The following LINGO1 variants were observed in gnomAD, a reference collection of about 807,000 sequenced individuals.
The protein encoded by LINGO1 is leucine rich repeat and Ig domain containing 1, also known as leucine-rich repeat and immunoglobulin-like domain-containing nogo receptor-interacting protein 1.
A neutral mutation model predicts 37.3 loss-of-function variants in LINGO1; 11 were observed. That is an observed-to-expected ratio of 0.29 (90% CI 0.19 to 0.49). The LOEUF is 0.49. Ranked by LOEUF, LINGO1 falls within the 20% of genes least tolerant of loss-of-function variation. The probability of loss-of-function intolerance (pLI) is 0.99; values close to 1 mark genes in which losing one functional copy is unlikely to be tolerated. For missense variants in LINGO1, 585 were observed against 878.2 expected, an observed-to-expected ratio of 0.67 and a Z score of 4.22; for synonymous variants, 387 against 403.0, an observed-to-expected ratio of 0.96 and a Z score of 0.48.
rs11854889 is a variant in LINGO1 at position 77,749,177 on chromosome 15, G to A, written c.-256-14124C>T. Among the ~76,000 whole-genome samples, 136 of 152,100 alleles carry A rather than the reference G, an allele frequency of 8.9e-4. 1 individual carries two copies. Among genetic ancestry groups the A allele is most frequent in the African/African-American group, 3.2e-3 (134 of 41,484 alleles). On this transcript the variant is annotated intron_variant, in intron 1 of 3. Transcript: ENST00000561686. ...CCTGCCTCGGCCTCCCAAAGTGCTG[G>A]GATTACAGGGGTGAGCCACTGCGCC...
chr15:77,749,901 A>G (rs2076353789), intron 1 of LINGO1, among the ~76,000 whole-genome samples: 1 of 151,598 alleles, frequency 6.6e-6, no homozygotes, highest in Admixed American at 6.6e-5. Context: ...ACAAGCTGCC[A>G]TGGGGCAGGC....
chr15:77,795,097 C>A (rs1392733116), intron 2 of LINGO1, among the ~76,000 whole-genome samples: 1 of 152,180 alleles, frequency 6.6e-6, no homozygotes, highest in Non-Finnish European at 1.5e-5. Context: ...CCCCACCGTT[C>A]CCTCTGTTTA....
intron 3 of LINGO1, among the ~76,000 whole-genome samples, chr15:77,649,544 G>A (rs2074711943): frequency 6.6e-6 from 1 of 152,184 alleles, no homozygotes; most frequent in Non-Finnish European, 1.5e-5. Flanking sequence ...GGTACCACAC[G>A]GAAAGAAGAG....
At chr15:77,796,608 C>G (rs893482136) in intron 1 of LINGO1, among the ~76,000 whole-genome samples, 6 of 152,240 alleles carry the variant, frequency 3.9e-5, no homozygotes, top group Non-Finnish European at 7.3e-5. Flanking sequence ...CCAGGCTGAC[C>G]CCGAGAGGGG....
intron 3 of LINGO1, among the ~76,000 whole-genome samples, chr15:77,664,170 T>TGTGTGCGCGCGCGCGTGCGC: frequency 3.1e-5 from 4 of 130,946 alleles, no homozygotes; most frequent in Non-Finnish European, 6.2e-5. Flanking sequence ...TGTGTGTGTG[T>TGTGTGCGCGCGCGCGTGCGC]GCGCGCGCGC....
chr15:77,672,073 T>A (rs1452200254), intron 3 of LINGO1, among the ~76,000 whole-genome samples: 1 of 150,100 alleles, frequency 6.7e-6, no homozygotes, highest in Non-Finnish European at 1.5e-5. Context: ...ACAGCAGGTG[T>A]CTAATAGATG....
intron 3 of LINGO1, among the ~76,000 whole-genome samples, chr15:77,652,752 T>C (rs2074789538): frequency 6.6e-6 from 1 of 152,062 alleles, no homozygotes; most frequent in Admixed American, 6.5e-5. Flanking sequence ...TGGTGGTCAA[T>C]GGCCAGCACA....
At chr15:77,797,930 G>T (rs1031578973) in intron 1 of LINGO1, among the ~76,000 whole-genome samples, 12 of 152,178 alleles carry the variant, frequency 7.9e-5, no homozygotes, top group Non-Finnish European at 1.2e-4. Flanking sequence ...TTGGGGCCAG[G>T]GTCTTCATAT....
intron 2 of LINGO1, among the ~76,000 whole-genome samples, chr15:77,729,106 T>A (rs886690471): frequency 6.6e-6 from 1 of 152,190 alleles, no homozygotes; most frequent in African/African-American, 2.4e-5. Context: ...AAGCGCCCAG[T>A]TGGCACTAGG....
chr15:77,704,901 C>T (rs76878549), intron 2 of LINGO1, among the ~76,000 whole-genome samples: 23,289 of 152,126 alleles, frequency 0.15, 2,132 homozygotes, highest in Admixed American at 0.3. Flanking sequence ...AAATCCTGAC[C>T]CTGGTTGCAC....
At chr15:77,718,273 AC>A (rs1278765431) in intron 2 of LINGO1, among the ~76,000 whole-genome samples, 1 of 150,840 alleles carries the variant, frequency 6.6e-6, no homozygotes, top group African/African-American at 2.4e-5. Flanking sequence ...GAAGTGCAGC[AC>A]CCCAGACACG....
rs779305547 is a variant in LINGO1, at chr15:77,614,088, T to G, written c.1819A>C (p.Ser607Arg). The change falls in exon 2 of 2, where the codon AGC becomes CGC. Residue 607 changes from serine to arginine, a missense_variant. Physicochemically the swap from Ser to Arg is moderately radical, Grantham distance 110. Coordinates refer to ENST00000355300, the MANE Select transcript of LINGO1 (RefSeq NM_032808.7). ...AACTTGCGGGGCGCGTCGGCGGAGCTGATGCCTGCGTCCGACTTTCGGGGC... is the reference window on the plus strand; with the variant it reads ...AACTTGCGGGGCGCGTCGGCGGAGCGGATGCCTGCGTCCGACTTTCGGGGC... ...YVPRKSDAGISSADAPRKFNM... is the reference protein window; with the variant it reads ...YVPRKSDAGIRSADAPRKFNM... 6.2e-7 allele frequency: 1 copy of G among 1,613,108 alleles called. No homozygotes were observed. The highest frequency in any genetic ancestry group is 8.5e-7 in the Non-Finnish European group (1 of 1,179,552).
intron 3 of LINGO1, among the ~76,000 whole-genome samples, chr15:77,645,872 C>A (rs2074614612): frequency 6.6e-6 from 1 of 152,246 alleles, no homozygotes; most frequent in Non-Finnish European, 1.5e-5. Flanking sequence ...GGGGACAGCC[C>A]AGGGGTGTAA....
chr15:77,680,202 C>G (rs1166225649), intron 2 of LINGO1, among the ~76,000 whole-genome samples: 1 of 152,192 alleles, frequency 6.6e-6, no homozygotes, highest in East Asian at 1.9e-4. Flanking sequence ...CAGCCTAGGT[C>G]CCTGAGTTGT....
Position 77,632,369 on chromosome 15 carries a change from G to C in LINGO1, c.-54C>G, listed in dbSNP as rs2074282681. 7.3e-7 allele frequency: 1 copy of C among 1,378,170 alleles called. No homozygotes were observed. The allele number at this position is 1,378,170 out of a possible 1,614,324, so 85.4% of individuals were successfully genotyped here. A position where few individuals can be genotyped will look rare whatever the true frequency, so the allele number is the denominator to read the frequency against. On this transcript the variant is annotated 5_prime_UTR_variant, in exon 1 of 2. Transcript: ENST00000355300. This position sits in a 1 kb window ranked among gnomAD's most constrained non-coding sequence, Gnocchi z 6.0. Reference sequence around the variant, plus strand: ...CGGTCACCAATCGCATGTCTCTCCAGCCGGCCCGACCAGGCCCCAGCCCCT... The same window carrying C: ...CGGTCACCAATCGCATGTCTCTCCACCCGGCCCGACCAGGCCCCAGCCCCT...
upstream of LINGO1, among the ~76,000 whole-genome samples, chr15:77,787,662 C>T (rs929872073): frequency 5.9e-5 from 9 of 152,110 alleles, no homozygotes; most frequent in African/African-American, 2.2e-4. Context: ...ACTCCTTTGC[C>T]ACCCCATCCC....
intron 1 of LINGO1, among the ~76,000 whole-genome samples, chr15:77,743,836 C>T (rs2076288167): frequency 6.6e-6 from 1 of 152,046 alleles, no homozygotes; most frequent in Non-Finnish European, 1.5e-5. Flanking sequence ...GGGGAGTCCT[C>T]CCAATCTGGA....
rs777577989 is a variant in LINGO1 at position 77,816,695 on chromosome 15, G to A, written c.-458+3563C>T. On this transcript the variant is annotated intron_variant, in intron 1 of 5. Transcript: ENST00000562933. ...GCCCCTGGCTGGAATTTTCATCCCC[G>A]GCAGAATAGACCAGGGGCCAAATAA... Among the ~76,000 whole-genome samples the A allele has an allele frequency of 1.7e-4, 26 of 152,188 alleles. 1 individual carries two copies. Among genetic ancestry groups the A allele is most frequent in the South Asian group, 1.5e-3 (7 of 4,826 alleles).
At chr15:77,785,314 C>T (rs554558099) in intron 1 of LINGO1, among the ~76,000 whole-genome samples, 91 of 152,270 alleles carry the variant, frequency 6.0e-4, no homozygotes, top group Non-Finnish European at 9.9e-4. Flanking sequence ...GAAGGCGGCC[C>T]GCAGGCTGAT....
Sources: gnomAD v4.1 joint callset for allele counts (sites outside exome capture counted in the v4.1 genomes callset) on GRCh38, gnomAD v4.1.1 for gene constraint, Gnocchi (gnomAD v3.1) non-coding constraint, MANE v1.5 for transcripts, NCBI Gene and HGNC (gene_info 2026-07-23, HGNC 2026-07-21) for gene names.